ARL8B: variants seen among roughly 807,000 people sequenced by gnomAD.
The protein encoded by ARL8B is ARF like GTPase 8B, also known as ADP-ribosylation factor-like protein 8B.
Under a neutral mutation model 30.6 loss-of-function variants are expected in ARL8B, and 9 were observed. The observed-to-expected ratio is 0.29, with a 90% CI of 0.18 to 0.51. ARL8B has a LOEUF of 0.51. Among genes scored for constraint, ARL8B ranks in the 20% least tolerant of loss-of-function variants. The probability of loss-of-function intolerance (pLI) is 0.97; values close to 1 mark genes in which losing one functional copy is unlikely to be tolerated. For synonymous variants in ARL8B, 74 were observed against 76.0 expected, an observed-to-expected ratio of 0.97 and a Z score of 0.14; for missense variants, 130 against 227.2, an observed-to-expected ratio of 0.57 and a Z score of 2.75.
intron 1 of ARL8B, among the ~76,000 whole-genome samples, chr3:5,138,892 A>C (rs1306787209): frequency 6.6e-6 from 1 of 152,170 alleles, no homozygotes; most frequent in Non-Finnish European, 1.5e-5. Context: ...TTCTTCAGTA[A>C]TACCCAGAGA....
chr3:5,139,280 C>A (rs542279146), intron 1 of ARL8B, among the ~76,000 whole-genome samples: 24 of 152,286 alleles, frequency 1.6e-4, no homozygotes, highest in Middle Eastern at 3.4e-3. Flanking sequence ...CCTCCAGAGT[C>A]TAACAGGCAA....
intron 1 of ARL8B, among the ~76,000 whole-genome samples, chr3:5,124,807 G>A (rs892987004): frequency 2.0e-5 from 3 of 152,182 alleles, no homozygotes; most frequent in Admixed American, 2.0e-4. Flanking sequence ...AAGCTTGAGT[G>A]AAGTTGAGCT....
chr3:5,126,500 T>C (rs1250434227), intron 1 of ARL8B, among the ~76,000 whole-genome samples: 1 of 152,206 alleles, frequency 6.6e-6, no homozygotes, highest in Non-Finnish European at 1.5e-5. Flanking sequence ...GCCTTAAACA[T>C]TAAGGAAGAT....
At chr3:5,176,606 A>G (rs534430460) in intron 6 of ARL8B, among the ~76,000 whole-genome samples, 25 of 152,226 alleles carry the variant, frequency 1.6e-4, no homozygotes, top group Non-Finnish European at 3.4e-4. Context: ...AAGACCATCC[A>G]GGGCAGTCTC....
intron 1 of ARL8B, among the ~76,000 whole-genome samples, chr3:5,146,280 G>C (rs539678107): frequency 6.6e-6 from 1 of 152,306 alleles, no homozygotes; most frequent in African/African-American, 2.4e-5. Flanking sequence ...TCTTACTAAG[G>C]AGGGTGTAGG....
intron 1 of ARL8B, among the ~76,000 whole-genome samples, chr3:5,123,375 G>C (rs2054200982): frequency 6.6e-6 from 1 of 152,224 alleles, no homozygotes; most frequent in Non-Finnish European, 1.5e-5. Context: ...TAGGGAATGG[G>C]TGGAAGGAAA....
At position 5,127,872 on chromosome 3, in the gene ARL8B, CAAAAAAAAAAA is replaced by C. The variant is rs748657502; in HGVS notation, c.123+5303_123+5313del. On this transcript the variant is annotated intron_variant, in intron 1 of 6. Transcript: ENST00000256496. ...TGGGCAACAGAGCGAGACTCCGTCTCAAAAAAAAAAAAAAAAAAAAAAAAAAAAAGCGGAGG... is the reference window on the plus strand; with the variant it reads ...TGGGCAACAGAGCGAGACTCCGTCTCAAAAAAAAAAAAAAAAAAGCGGAGG... Among the ~76,000 whole-genome samples the C allele has an allele frequency of 2.3e-3, 24 of 10,592 alleles. No homozygotes were observed. In the South Asian group the frequency reaches 0.048, roughly 21 times the overall value. 6.9% of individuals were successfully genotyped at this position (10,592 alleles called of 152,430 possible).
intron 1 of ARL8B, among the ~76,000 whole-genome samples, chr3:5,134,002 G>C (rs1471257133): frequency 6.6e-6 from 1 of 152,190 alleles, no homozygotes; most frequent in Non-Finnish European, 1.5e-5. Flanking sequence ...GATATAAAGG[G>C]ATGGCTGGTT....
At position 5,131,597 on chromosome 3, in the gene ARL8B, G is replaced by T. The variant is rs182055747; in HGVS notation, c.123+9009G>T. Among the ~76,000 whole-genome samples, 386 of 151,802 alleles carry T rather than the reference G, an allele frequency of 2.5e-3. 2 individuals carry two copies. Among genetic ancestry groups the T allele is most frequent in the African/African-American group, 8.9e-3 (370 of 41,408 alleles). On this transcript the variant is annotated intron_variant, in intron 1 of 6. Coordinates refer to ENST00000256496, the MANE Select transcript of ARL8B (RefSeq NM_018184.3). ...GTAGAGACAGGGTTTCACGATGTTG[G>T]CCACACTGGTCTTGAACTCCTGACC...
chr3:5,135,111 A>T (rs1575560308), intron 1 of ARL8B, among the ~76,000 whole-genome samples: 2 of 152,092 alleles, frequency 1.3e-5, no homozygotes, highest in East Asian at 3.9e-4. Flanking sequence ...AGCCTCCCAA[A>T]GTGTTGGGAT....
At chr3:5,140,087 A>C (rs1194170083) in intron 1 of ARL8B, among the ~76,000 whole-genome samples, 1 of 146,102 alleles carries the variant, frequency 6.8e-6, no homozygotes, top group Non-Finnish European at 1.5e-5. Flanking sequence ...CCAAGATGTG[A>C]TTAGTTTTTG....
At position 5,174,863 on chromosome 3, in the gene ARL8B, C is replaced by T. The variant is rs377411292; in HGVS notation, c.511+449C>T. ...CTTCACCCAGGCTTGAGTGCAGTGGCGTGATCTCGACTTACTGCAACCTCT... is the reference window on the plus strand; with the variant it reads ...CTTCACCCAGGCTTGAGTGCAGTGGTGTGATCTCGACTTACTGCAACCTCT... On this transcript the variant is annotated intron_variant, in intron 6 of 6. Transcript: ENST00000256496. 1.6e-4 allele frequency among the ~76,000 whole-genome samples: 24 copies of T among 151,100 alleles called. No individual in the cohort carries two copies. In the East Asian group the frequency reaches 3.5e-3, roughly 22 times the overall value.
intron 1 of ARL8B, among the ~76,000 whole-genome samples, chr3:5,165,890 A>G (rs2054619702): frequency 6.6e-6 from 1 of 152,206 alleles, no homozygotes; most frequent in Non-Finnish European, 1.5e-5. Flanking sequence ...TGAAAGCACT[A>G]GAACATATGA....
intron 1 of ARL8B, among the ~76,000 whole-genome samples, chr3:5,159,094 G>A (rs1434710915): frequency 1.3e-5 from 2 of 150,614 alleles, no homozygotes; most frequent in Non-Finnish European, 3.0e-5. Context: ...CCCTACATGC[G>A]GGCATGCACC....
intron 1 of ARL8B, among the ~76,000 whole-genome samples, chr3:5,137,943 A>G (rs1027200654): frequency 1.3e-5 from 2 of 150,532 alleles, no homozygotes; most frequent in African/African-American, 4.9e-5. Context: ...CACTATTATT[A>G]TATTTTAATG....
intron 1 of ARL8B, among the ~76,000 whole-genome samples, chr3:5,123,734 G>T (rs11923282): frequency 0.046 from 6,939 of 152,254 alleles, 339 homozygotes; most frequent in East Asian, 0.13. Flanking sequence ...GTGATTCTTA[G>T]TCCTTGCACT....
chr3:5,145,286 CT>C (rs1341611872), intron 1 of ARL8B, among the ~76,000 whole-genome samples: 1 of 151,984 alleles, frequency 6.6e-6, no homozygotes, highest in Non-Finnish European at 1.5e-5. Flanking sequence ...ACGACCAAAT[CT>C]TTTTTTTCTA....
At chr3:5,154,955 G>A (rs1021420697) in intron 1 of ARL8B, among the ~76,000 whole-genome samples, 12 of 152,222 alleles carry the variant, frequency 7.9e-5, no homozygotes, top group African/African-American at 2.6e-4. Flanking sequence ...GGCTGGTCTC[G>A]AACTCCTGAC....
intron 1 of ARL8B, among the ~76,000 whole-genome samples, chr3:5,147,185 A>ACAG (rs2054427138): frequency 6.6e-6 from 1 of 151,942 alleles, no homozygotes; most frequent in Non-Finnish European, 1.5e-5. Flanking sequence ...CTACCCCACG[A>ACAG]CAGGCCCTGG....
Sources: gnomAD v4.1 joint callset for allele counts (sites outside exome capture counted in the v4.1 genomes callset) on GRCh38, gnomAD v4.1.1 for gene constraint, MANE v1.5 for transcripts, NCBI Gene and HGNC (gene_info 2026-07-23, HGNC 2026-07-21) for gene names.